The following IQCJ variants were observed in gnomAD, a reference collection of about 807,000 sequenced individuals.
IQCJ encodes the protein IQ domain-containing protein J.
A neutral mutation model predicts 11.0 loss-of-function variants in IQCJ; 9 were observed. That is an observed-to-expected ratio of 0.82 (90% CI 0.49 to 1.43). IQCJ has a LOEUF of 1.43. IQCJ is among the 40% of genes most tolerant of loss of function. The pLI is 0.00. For synonymous variants in IQCJ, 55 were observed against 51.3 expected, an observed-to-expected ratio of 1.07 and a Z score of -0.31; for missense variants, 146 against 133.2, an observed-to-expected ratio of 1.10 and a Z score of -0.47.
At chr3:159,145,578 T>A (rs1720881243) in intron 1 of IQCJ, among the ~76,000 whole-genome samples, 1 of 151,678 alleles carries the variant, frequency 6.6e-6, no homozygotes, top group South Asian at 2.1e-4. Context: ...AGTATGCTTT[T>A]TTTTTTTTTC....
intron 1 of IQCJ, among the ~76,000 whole-genome samples, chr3:159,132,697 T>G (rs1269760111): frequency 1.3e-5 from 2 of 152,198 alleles, no homozygotes; most frequent in African/African-American, 4.8e-5. Flanking sequence ...AGGAAATTAC[T>G]TGCTCATTTA....
At chr3:159,205,007 G>C (rs1047438747) in intron 1 of IQCJ, among the ~76,000 whole-genome samples, 1 of 152,106 alleles carries the variant, frequency 6.6e-6, no homozygotes, top group Non-Finnish European at 1.5e-5. Context: ...TGTTCCTCCT[G>C]GTCTCACATG....
intron 1 of IQCJ, among the ~76,000 whole-genome samples, chr3:159,213,909 A>G (rs922018582): frequency 2.0e-5 from 3 of 151,900 alleles, no homozygotes; most frequent in Non-Finnish European, 4.4e-5. Flanking sequence ...CTCCTACTTA[A>G]CTGGCTGCTG....
chr3:159,214,708 G>A (rs1725132646), intron 1 of IQCJ, among the ~76,000 whole-genome samples: 1 of 152,182 alleles, frequency 6.6e-6, no homozygotes, highest in Non-Finnish European at 1.5e-5. Flanking sequence ...GGCCTGCACA[G>A]ACATAAGGTG....
chr3:159,108,643 A>G (rs1297340070), intron 1 of IQCJ, among the ~76,000 whole-genome samples: 1 of 152,228 alleles, frequency 6.6e-6, no homozygotes, highest in Non-Finnish European at 1.5e-5. Flanking sequence ...TAATGTAATG[A>G]TTCACATACC....
intron 1 of IQCJ, among the ~76,000 whole-genome samples, chr3:159,116,642 A>ATC (rs1719030169): frequency 2.9e-5 from 1 of 34,960 alleles, no homozygotes; most frequent in African/African-American, 1.2e-4. Context: ...ATATATATAT[A>ATC]TATATATATA....
intron 1 of IQCJ, among the ~76,000 whole-genome samples, chr3:159,087,365 T>C (rs1716861154): frequency 6.7e-6 from 1 of 148,458 alleles, no homozygotes; most frequent in African/African-American, 2.5e-5. Flanking sequence ...TCAAGGATAT[T>C]GGTCTAAAAT....
At chr3:159,069,843 T>TTGTGTGTGTGTGTG (rs34425057) in intron 1 of IQCJ, 3 of 296,752 alleles carry the variant, frequency 1.0e-5, no homozygotes, top group African/African-American at 4.7e-5. Context: ...CCCTCCTTTC[T>TTGTGTGTGTGTGTG]TGTGTGTGTG....
intron 1 of IQCJ, among the ~76,000 whole-genome samples, chr3:159,229,456 G>A (rs1726062152): frequency 6.6e-6 from 1 of 151,874 alleles, no homozygotes; most frequent in Non-Finnish European, 1.5e-5. Flanking sequence ...GTTATATTGG[G>A]CCTTTCAGGC....
Position 159,245,834 on chromosome 3 carries a change from T to G in IQCJ, c.10-9T>G, listed in dbSNP as rs184730786. On this transcript the variant is annotated splice_polypyrimidine_tract_variant and intron_variant, in intron 1 of 3. Transcript: ENST00000397832. ...ACAATTTGTAAGATATATCTTCTCT[T>G]TTTCACAGGAAGAACTGAAAAGATT... The G allele has an allele frequency of 1.4e-4, 211 of 1,542,968 alleles. No homozygotes were observed. The African/African-American group carries it at 2.8e-3, about 20-fold the overall frequency.
intron 1 of IQCJ, among the ~76,000 whole-genome samples, chr3:159,167,388 T>G (rs1437687922): frequency 6.6e-6 from 1 of 152,200 alleles, no homozygotes; most frequent in Non-Finnish European, 1.5e-5. Flanking sequence ...ACTTTCAGTT[T>G]AGGGCTCTAG....
chr3:159,200,125 T>C lies in IQCJ; in HGVS notation c.10-45718T>C, dbSNP rs1044664805. ...CATAAATATATATATATATATCACT[T>C]TGAACAATGCCTGGCATGTATTAAG... On this transcript the variant is annotated intron_variant, in intron 1 of 3. Coordinates refer to ENST00000397832, the MANE Select transcript of IQCJ (RefSeq NM_001042706.3). Among the ~76,000 whole-genome samples the C allele has an allele frequency of 4.4e-4, 43 of 98,480 alleles. 1 individual carries two copies. The highest frequency in any genetic ancestry group is 3.5e-3 in the Admixed American group (39 of 11,036). 64.6% of individuals were successfully genotyped at this position (98,480 alleles called of 152,430 possible). A position where few individuals can be genotyped will look rare whatever the true frequency, so the allele number is the denominator to read the frequency against.
At chr3:159,183,147 C>A (rs1723192544) in intron 1 of IQCJ, among the ~76,000 whole-genome samples, 1 of 152,024 alleles carries the variant, frequency 6.6e-6, no homozygotes, top group Admixed American at 6.6e-5. Context: ...ACAGCCACTG[C>A]AGGGCAAAGT....
rs565817319 is a variant in IQCJ at position 159,137,680 on chromosome 3, G to T, written c.9+68239G>T. ...CATGACCATATACCTGATCTCTTTG[G>T]ATTGCACCATGAGCTTATTAGTGCC... On this transcript the variant is annotated intron_variant, in intron 1 of 3. Coordinates refer to ENST00000397832, the MANE Select transcript of IQCJ (RefSeq NM_001042706.3). Among the ~76,000 whole-genome samples, 407 of 152,106 alleles carry T rather than the reference G, an allele frequency of 2.7e-3. 3 individuals carry two copies. Among genetic ancestry groups the T allele is most frequent in the Non-Finnish European group, 4.5e-3 (307 of 67,982 alleles).
intron 1 of IQCJ, among the ~76,000 whole-genome samples, chr3:159,086,397 C>A (rs565066677): frequency 6.6e-6 from 1 of 152,048 alleles, no homozygotes; most frequent in Non-Finnish European, 1.5e-5. Context: ...CTTGGCGATG[C>A]GTGCTCTTTT....
At chr3:159,211,174 T>C (rs1281833926) in intron 1 of IQCJ, among the ~76,000 whole-genome samples, 1 of 152,146 alleles carries the variant, frequency 6.6e-6, no homozygotes, top group Non-Finnish European at 1.5e-5. Context: ...TCTGAAAATA[T>C]TGTATTGGGG....
intron 1 of IQCJ, among the ~76,000 whole-genome samples, chr3:159,134,750 G>T (rs1257760204): frequency 6.6e-6 from 1 of 152,068 alleles, no homozygotes; most frequent in African/African-American, 2.4e-5. Context: ...ACAATTACCT[G>T]TACTGTGTTC....
chr3:159,176,508 T>C (rs983554443), intron 1 of IQCJ, among the ~76,000 whole-genome samples: 2 of 152,082 alleles, frequency 1.3e-5, no homozygotes, highest in Non-Finnish European at 1.5e-5. Flanking sequence ...GTCTTGGAGG[T>C]GAAAGTAAAA....
chr3:159,078,596 A>G (rs918276072), intron 1 of IQCJ, among the ~76,000 whole-genome samples: 1 of 151,596 alleles, frequency 6.6e-6, no homozygotes, highest in African/African-American at 2.4e-5. Flanking sequence ...GCTATACAGA[A>G]GAATCACTCC....
Sources: gnomAD v4.1 joint callset for allele counts (sites outside exome capture counted in the v4.1 genomes callset) on GRCh38, gnomAD v4.1.1 for gene constraint, MANE v1.5 for transcripts, NCBI Gene and HGNC (gene_info 2026-07-23, HGNC 2026-07-21) for gene names.